AKR1B1: variants seen among roughly 807,000 people sequenced by gnomAD.
The protein encoded by AKR1B1 is aldo-keto reductase family 1 member B.
In AKR1B1, 22 loss-of-function variants were observed where a neutral mutation model predicts 40.4. The ratio of observed to expected loss-of-function variants is 0.54; its 90% confidence interval spans 0.39 to 0.78. The LOEUF (loss-of-function observed/expected upper bound fraction) is 0.78. AKR1B1 is among the 30% of genes least tolerant of loss of function. The pLI is 0.00. For synonymous variants in AKR1B1, 157 were observed against 149.9 expected (o/e 1.05, Z -0.35); for missense variants, 357 against 396.7 (o/e 0.90, Z 0.85).
intron 1 of AKR1B1, 79 bp downstream of exon 1, chr7:134,458,918 C>T: frequency 2.7e-6 from 4 of 1,480,382 alleles, no homozygotes; most frequent in Non-Finnish European, 2.8e-6. Context: ...TGCTCAGGGT[C>T]ACTCGGGGTC....
chr7:134,449,527 C>T (rs1585712522), intron 4 of AKR1B1, 193 bp downstream of exon 4: 2 of 616,388 alleles, frequency 3.2e-6, no homozygotes, highest in Admixed American at 2.8e-5. Context: ...GTGGAGCTTG[C>T]AGTGAGCCGA....
chr7:134,458,944 C>T (rs1806582225), intron 1 of AKR1B1, 53 bp downstream of exon 1: 2 of 1,560,326 alleles, frequency 1.3e-6, no homozygotes, highest in Non-Finnish European at 1.7e-6. Flanking sequence ...CCAATACAGG[C>T]CGCGCGGAGA....
intron 7 of AKR1B1, 54 bp from the exon 8 acceptor site, chr7:134,447,435 T>A: frequency 6.9e-7 from 1 of 1,448,428 alleles, no homozygotes; most frequent in Non-Finnish European, 9.7e-7. Context: ...CTCGCACCCA[T>A]CATCTCAGTC....
In AKR1B1 at chr7:134,459,019, A is replaced by T. The variant is rs759016088; in HGVS notation, c.44T>A (p.Ile15Asn). 2 of 1,608,544 alleles carry T rather than the reference A, an allele frequency of 1.2e-6. No homozygotes were observed. The highest frequency in any genetic ancestry group is 1.3e-5 in the African/African-American group (1 of 74,786). Residue 15 changes from isoleucine (I) to asparagine (N), a missense_variant, in exon 1 of 10, where the codon ATC (isoleucine) becomes AAC (asparagine). Physicochemically the swap from Ile to Asn is moderately radical, Grantham distance 149. Coordinates refer to ENST00000285930, the MANE Select transcript of AKR1B1 (RefSeq NM_001628.4). Reference protein sequence around the residue: ...LLLNNGAKMPILGLGTWKSPP... With the variant: ...LLLNNGAKMPNLGLGTWKSPP... ...TACCTTCCAGGTACCCAACCCCAGG[A>T]TGGGCATCTTGGCGCCGTTGTTGAG...
rs1392886142 is a variant in AKR1B1 at position 134,459,013 on chromosome 7, C to G, written c.50G>C (p.Gly17Ala). 8 of 1,608,472 alleles carry G rather than the reference C, an allele frequency of 5.0e-6. No homozygotes were observed. The highest frequency in any genetic ancestry group is 6.8e-6 in the Non-Finnish European group (8 of 1,177,950). ...LNNGAKMPIL[G>A]LGTWKSPPGQ... Reference sequence around the variant, plus strand: ...AGCACCTACCTTCCAGGTACCCAACCCCAGGATGGGCATCTTGGCGCCGTT... The same window carrying G: ...AGCACCTACCTTCCAGGTACCCAACGCCAGGATGGGCATCTTGGCGCCGTT... Residue 17 changes from glycine to alanine, a missense_variant, in exon 1 of 10, where the codon GGG (glycine) becomes GCG (alanine). Physicochemically the swap from Gly to Ala is moderately conservative, Grantham distance 60 (BLOSUM62 0). Transcript: ENST00000285930.
chr7:134,448,364 G>A (rs1806169941), intron 6 of AKR1B1, 23 bp downstream of exon 6: 5 of 1,552,628 alleles, frequency 3.2e-6, no homozygotes, highest in Non-Finnish European at 3.6e-6. Flanking sequence ...TGACACAGGA[G>A]CATGAGCCTG....
intron 7 of AKR1B1, 58 bp from the exon 8 acceptor site, chr7:134,447,439 C>G (rs1006209759): frequency 7.0e-7 from 1 of 1,419,888 alleles, no homozygotes; most frequent in Non-Finnish European, 1.0e-6. Flanking sequence ...CACCCATCAT[C>G]TCAGTCTCTC....
intron 1 of AKR1B1, among the ~76,000 whole-genome samples, chr7:134,455,706 C>A (rs1297026908): frequency 6.6e-6 from 1 of 152,000 alleles, no homozygotes; most frequent in African/African-American, 2.4e-5. Flanking sequence ...GCCTCAGCCT[C>A]CCAAGCAGCT....
intron 1 of AKR1B1, among the ~76,000 whole-genome samples, chr7:134,454,499 C>T (rs919288920): frequency 1.3e-4 from 20 of 152,182 alleles, no homozygotes; most frequent in Non-Finnish European, 2.2e-4. Flanking sequence ...CTTCAAGATA[C>T]CCCTCCCTCT....
In AKR1B1 at chr7:134,449,759, AT is replaced by A; in HGVS notation, c.389del (p.Asn130MetfsTer25). 6.2e-7 allele frequency: 1 copy of A among 1,614,162 alleles called. No homozygotes were observed. On this transcript the variant is annotated frameshift_variant, in exon 4 of 10. Transcript: ENST00000285930. LOFTEE classifies it high-confidence loss of function. ...KEFFPLDESG[N>X]VVPSDTNILD... ...GAATGTTGGTGTCACTGGGAACCAC[AT>A]TGCCCGACTCATCCAATGGGAAAAA...
chr7:134,451,204 C>T (rs1585714402), intron 2 of AKR1B1: 2 of 544,934 alleles, frequency 3.7e-6, no homozygotes, highest in Admixed American at 6.1e-5. Context: ...TTTGTGGAGC[C>T]AGCCCCATCC....
chr7:134,448,357 C>CA (rs1228882158), intron 6 of AKR1B1, 30 bp downstream of exon 6: 2 of 1,547,870 alleles, frequency 1.3e-6, no homozygotes, highest in East Asian at 4.5e-5. Flanking sequence ...CACCAAGTGA[C>CA]ACAGGAGCAT....
In AKR1B1 at chr7:134,442,733, A is replaced by T. The variant is rs752010122; in HGVS notation, c.946T>A (p.Phe316Ile). ...ACGAGCAGGCAACCACAGCTTCAAA[A>T]CTCTTCATGGAAGGGGTAATCCTTG... ...SHKDYPFHEE[F>I] Residue 316 changes from phenylalanine to isoleucine, a missense_variant, in exon 10 of 10, where the codon TTT becomes ATT. By Grantham distance (21) the Phe-to-Ile change is conservative. Coordinates refer to ENST00000285930, the MANE Select transcript of AKR1B1 (RefSeq NM_001628.4). The T allele has an allele frequency of 6.2e-7, 1 of 1,613,976 alleles. No homozygotes were observed. The highest frequency in any genetic ancestry group is 1.3e-5 in the African/African-American group (1 of 74,988).
At chr7:134,450,287 A>T (rs1391072986) in intron 3 of AKR1B1, among the ~76,000 whole-genome samples, 1 of 152,234 alleles carries the variant, frequency 6.6e-6, no homozygotes, top group Non-Finnish European at 1.5e-5. Context: ...GCTAGAAAAA[A>T]GGCAAAAGAC....
At chr7:134,446,351 T>C (rs1356851658) in intron 8 of AKR1B1, among the ~76,000 whole-genome samples, 1 of 152,180 alleles carries the variant, frequency 6.6e-6, no homozygotes, top group Non-Finnish European at 1.5e-5. Context: ...CCCTGTCTCA[T>C]ATGTGACAGG....
At chr7:134,459,178 G>T (rs912883296), upstream of AKR1B1, 23 of 1,304,876 alleles carry the variant, frequency 1.8e-5, no homozygotes, top group South Asian at 2.5e-4. Flanking sequence ...GCGCCGCTGC[G>T]CGAAGGAGCC....
At chr7:134,447,605 T>C in intron 7 of AKR1B1, 3 of 642,548 alleles carry the variant, frequency 4.7e-6, no homozygotes, top group Non-Finnish European at 5.6e-6. Flanking sequence ...CACGCTTCAG[T>C]GTCTCAGGCA....
intron 3 of AKR1B1, 129 bp downstream of exon 3, chr7:134,450,657 G>A: frequency 1.3e-6 from 1 of 786,892 alleles, no homozygotes; most frequent in Non-Finnish European, 2.3e-6. Context: ...AGTGCTGATG[G>A]TCCACTGGCT....
At position 134,450,957 on chromosome 7, in the gene AKR1B1, G is replaced by C. The variant is rs764430673; in HGVS notation, c.235-55C>G. On this transcript the variant is annotated intron_variant, in intron 2 of 9. Transcript: ENST00000285930. Reference sequence around the variant, plus strand: ...TTGCCAGCCACAAGGCAGCTTCCTGGCTGGAAAGACAGAGCAGTCTCCTCT... The same window carrying C: ...TTGCCAGCCACAAGGCAGCTTCCTGCCTGGAAAGACAGAGCAGTCTCCTCT... 16 of 1,466,204 alleles carry C rather than the reference G, an allele frequency of 1.1e-5. No individual in the cohort carries two copies. The East Asian group carries it at 2.7e-4, about 25-fold the overall frequency. 90.8% of individuals were successfully genotyped at this position (1,466,204 alleles called of 1,614,324 possible). A position where few individuals can be genotyped will look rare whatever the true frequency, so the allele number is the denominator to read the frequency against.
Sources: gnomAD v4.1 joint callset for allele counts (sites outside exome capture counted in the v4.1 genomes callset) on GRCh38, gnomAD v4.1.1 for gene constraint, MANE v1.5 for transcripts, NCBI Gene and HGNC (gene_info 2026-07-23, HGNC 2026-07-21) for gene names.